The following FSTL4 variants were observed in gnomAD, a reference collection of about 807,000 sequenced individuals.
FSTL4 encodes the protein follistatin like 4, also known as follistatin-related protein 4.
Under a neutral mutation model 78.2 loss-of-function variants are expected in FSTL4, and 28 were observed. The ratio of observed to expected loss-of-function variants is 0.36; its 90% CI spans 0.27 to 0.49. The LOEUF (loss-of-function observed/expected upper bound fraction) is 0.49. FSTL4 is among the 20% of genes least tolerant of loss of function. The probability of loss-of-function intolerance (pLI) is 0.98; values close to 1 mark genes in which losing one functional copy is unlikely to be tolerated. For missense variants in FSTL4, 922 were observed against 1,084.9 expected (o/e 0.85, Z 2.11); for synonymous variants, 422 against 440.5 (o/e 0.96, Z 0.53).
chr5:133,278,828 A>C (rs1752946859), intron 6 of FSTL4, among the ~76,000 whole-genome samples: 1 of 152,240 alleles, frequency 6.6e-6, no homozygotes, highest in African/African-American at 2.4e-5. Context: ...TTAGGCAGGC[A>C]TGAGCCCTTC....
At chr5:133,740,543 G>T in the FSTL4 span, among the ~76,000 whole-genome samples, 2 of 152,140 alleles carry the variant, frequency 1.3e-5, no homozygotes, top group Non-Finnish European at 2.9e-5. Context: ...TCCATTCCAC[G>T]TGGTGCCATC....
intron 4 of FSTL4, among the ~76,000 whole-genome samples, chr5:133,397,692 A>G (rs1007597025): frequency 4.6e-5 from 7 of 152,112 alleles, no homozygotes; most frequent in Admixed American, 4.6e-4. Flanking sequence ...TCTGAACTGT[A>G]GCAGCTTAGC....
At chr5:133,821,229 T>G in the FSTL4 span, among the ~76,000 whole-genome samples, 4 of 152,260 alleles carry the variant, frequency 2.6e-5, no homozygotes, top group Non-Finnish European at 5.9e-5. Context: ...GAGGGTTTCA[T>G]GCTAACATCA....
intron 3 of FSTL4, among the ~76,000 whole-genome samples, chr5:133,446,720 G>A (rs1226177372): frequency 6.6e-6 from 1 of 152,214 alleles, no homozygotes; most frequent in African/African-American, 2.4e-5. Flanking sequence ...CTACAGCAAA[G>A]GTTCCTGTTT....
At chr5:133,383,351 T>C (rs1755621260) in intron 4 of FSTL4, among the ~76,000 whole-genome samples, 1 of 152,128 alleles carries the variant, frequency 6.6e-6, no homozygotes, top group Non-Finnish European at 1.5e-5. Flanking sequence ...CTTTTTGGCT[T>C]TGAGATTCCT....
intron 13 of FSTL4, among the ~76,000 whole-genome samples, chr5:133,213,551 G>A (rs1750812175): frequency 6.6e-6 from 1 of 152,120 alleles, no homozygotes; most frequent in Admixed American, 6.5e-5. Context: ...GCATTATTGG[G>A]GATATTAAGT....
intron 3 of FSTL4, among the ~76,000 whole-genome samples, chr5:133,446,762 C>T (rs1757272997): frequency 6.6e-6 from 1 of 152,194 alleles, no homozygotes; most frequent in African/African-American, 2.4e-5. Flanking sequence ...CATGTCTGCA[C>T]ACCGCTGCTC....
At chr5:133,532,138 C>CA (rs993497078) in intron 3 of FSTL4, among the ~76,000 whole-genome samples, 1 of 152,156 alleles carries the variant, frequency 6.6e-6, no homozygotes, top group Non-Finnish European at 1.5e-5. Context: ...GAGAAGGAGA[C>CA]ATGATGACAG....
chr5:133,390,467 G>A (rs957303302), intron 4 of FSTL4, among the ~76,000 whole-genome samples: 12 of 152,232 alleles, frequency 7.9e-5, no homozygotes, highest in African/African-American at 2.9e-4. Flanking sequence ...TTCTGGATCT[G>A]GCCCTCATGA....
the FSTL4 span, among the ~76,000 whole-genome samples, chr5:133,621,224 C>A: frequency 5.3e-5 from 8 of 152,048 alleles, no homozygotes; most frequent in African/African-American, 1.5e-4. Context: ...TACGGTGAAA[C>A]CCTGTCTCTA....
chr5:133,676,199 A>C, the FSTL4 span, among the ~76,000 whole-genome samples: 1 of 152,262 alleles, frequency 6.6e-6, no homozygotes, highest in Admixed American at 6.5e-5. Flanking sequence ...ATCTTATCTT[A>C]AGAATTTTTA....
chr5:133,696,385 C>A, the FSTL4 span, among the ~76,000 whole-genome samples: 3 of 152,270 alleles, frequency 2.0e-5, no homozygotes, highest in East Asian at 1.9e-4. Context: ...AGCCTTCCTG[C>A]AGGTCCTTGG....
chr5:133,233,243 G>C (rs971829358), intron 8 of FSTL4, among the ~76,000 whole-genome samples, 174 bp downstream of exon 8: 1 of 152,196 alleles, frequency 6.6e-6, no homozygotes, highest in Admixed American at 6.5e-5. Flanking sequence ...TATGAAAATT[G>C]GTCAACAGAC....
chr5:133,353,525 A>G (rs983931167), intron 4 of FSTL4, among the ~76,000 whole-genome samples: 5 of 151,918 alleles, frequency 3.3e-5, no homozygotes, highest in Admixed American at 3.3e-4. Flanking sequence ...GTGGGGCACC[A>G]TTTCTCAGAT....
chr5:133,432,293 G>A (rs1311062497), intron 3 of FSTL4, among the ~76,000 whole-genome samples: 1 of 152,218 alleles, frequency 6.6e-6, no homozygotes, highest in Non-Finnish European at 1.5e-5. Context: ...ATGTCACAAT[G>A]CCTCTCTAAA....
At chr5:133,812,356 C>T in the FSTL4 span, among the ~76,000 whole-genome samples, 1 of 152,294 alleles carries the variant, frequency 6.6e-6, no homozygotes, top group African/African-American at 2.4e-5. Context: ...AGACTAAAAT[C>T]GGAACCCCTT....
At position 133,444,558 on chromosome 5, in the gene FSTL4, G is replaced by GC. The variant is rs563204546; in HGVS notation, c.161-43573dup. Among the ~76,000 whole-genome samples, 365 of 152,332 alleles carry GC rather than the reference G, an allele frequency of 2.4e-3. 2 individuals carry two copies. The highest frequency in any genetic ancestry group is 8.4e-3 in the African/African-American group (348 of 41,560). ...TTTCTCTCTTGCTAGACCAACGTGT[G>GC]CCCCCAGTGCTGCTCTATCCAGGCC... On this transcript the variant is annotated intron_variant, in intron 3 of 15. Coordinates refer to ENST00000265342, the MANE Select transcript of FSTL4 (RefSeq NM_015082.2).
At chr5:133,766,161 A>G in the FSTL4 span, among the ~76,000 whole-genome samples, 2 of 152,188 alleles carry the variant, frequency 1.3e-5, no homozygotes, top group African/African-American at 2.4e-5. Context: ...ACCTTGGCCT[A>G]TGGGGCCAAG....
the FSTL4 span, among the ~76,000 whole-genome samples, chr5:133,664,338 A>T: frequency 4.6e-5 from 7 of 152,030 alleles, no homozygotes; most frequent in South Asian, 2.1e-4. Flanking sequence ...ATTCCAGTAG[A>T]ATTTCCTAGG....
Sources: allele counts gnomAD v4.1 joint callset (sites outside exome capture counted in the v4.1 genomes callset), GRCh38; gene constraint gnomAD v4.1.1; transcripts MANE v1.5; gene names NCBI Gene and HGNC (gene_info 2026-07-23, HGNC 2026-07-21).